PDE8A: variants seen among roughly 807,000 people sequenced by gnomAD.
PDE8A encodes phosphodiesterase 8A.
PDE8A carries 59 observed loss-of-function variants against 105.0 expected under a neutral mutation model. That is an observed-to-expected ratio of 0.56 (90% CI 0.46 to 0.70). The LOEUF is 0.70. Ranked by LOEUF, PDE8A falls within the 30% of genes least tolerant of loss-of-function variation. The pLI is 0.00. For missense variants in PDE8A, 1,014 were observed against 1,045.9 expected (o/e 0.97, Z 0.42); for synonymous variants, 355 against 371.9 (o/e 0.95, Z 0.52).
In PDE8A at chr15:85,099,955, C is replaced by T. The variant is rs1450906053; in HGVS notation, c.942-60C>T. 51 of 1,370,922 alleles carry T rather than the reference C, an allele frequency of 3.7e-5. 2 individuals are homozygous for T. In the South Asian group the frequency reaches 4.3e-4, roughly 12 times the overall value. The allele number at this position is 1,370,922 out of a possible 1,614,324, so 84.9% of individuals were successfully genotyped here. A position where few individuals can be genotyped will look rare whatever the true frequency, so the allele number is the denominator to read the frequency against. ...TGCCATTTTCGTAATGAAAAATTAA[C>T]GACATATCCATCAAATTAGAGACTC... On this transcript the variant is annotated intron_variant, in intron 9 of 21. Coordinates refer to ENST00000394553, the MANE Select transcript of PDE8A (RefSeq NM_002605.3).
intron 1 of PDE8A, among the ~76,000 whole-genome samples, chr15:85,017,253 G>A (rs2080340640): frequency 1.6e-5 from 2 of 127,142 alleles, no homozygotes; most frequent in East Asian, 4.3e-4. Context: ...GGGCGACAGA[G>A]CGAGACTCCA....
intron 18 of PDE8A, among the ~76,000 whole-genome samples, chr15:85,121,734 C>T (rs974303459): frequency 6.6e-6 from 1 of 151,980 alleles, no homozygotes; most frequent in African/African-American, 2.4e-5. Flanking sequence ...TAGAATATTA[C>T]CCCTTCGATA....
At chr15:84,986,047 A>G (rs2079796726) in intron 1 of PDE8A, among the ~76,000 whole-genome samples, 1 of 152,090 alleles carries the variant, frequency 6.6e-6, no homozygotes, top group Admixed American at 6.5e-5. Flanking sequence ...CAACATCTCA[A>G]GACTCTGTCT....
At chr15:85,057,328 C>A (rs2081077374) in intron 1 of PDE8A, among the ~76,000 whole-genome samples, 3 of 152,214 alleles carry the variant, frequency 2.0e-5, no homozygotes, top group African/African-American at 7.2e-5. Flanking sequence ...CCACTACTCT[C>A]TTCAAAGCTG....
At chr15:85,097,701 G>A in intron 8 of PDE8A, 1 of 417,682 alleles carries the variant, frequency 2.4e-6, no homozygotes, top group South Asian at 2.9e-5. Context: ...CCTCTTGTCT[G>A]CAGATGGCCA....
At position 84,982,218 on chromosome 15, in the gene PDE8A, C is replaced by G; in HGVS notation, c.56C>G (p.Pro19Arg). 1 of 1,483,624 alleles carries G rather than the reference C, an allele frequency of 6.7e-7. No homozygotes were observed. Among genetic ancestry groups the G allele is most frequent in the East Asian group, 2.9e-5 (1 of 34,158 alleles). The allele number at this position is 1,483,624 out of a possible 1,614,324, so 91.9% of individuals were successfully genotyped here. A position where few individuals can be genotyped will look rare whatever the true frequency, so the allele number is the denominator to read the frequency against. Residue 19 changes from proline (P) to arginine (R), a missense_variant, in exon 1 of 22, where the codon CCT (proline) becomes CGT (arginine). Transcript: ENST00000394553. ...ISERLVAEDAPSPAAPPLSSG... is the reference protein window; with the variant it reads ...ISERLVAEDARSPAAPPLSSG... ...GAGCGCCTGGTGGCCGAGGACGCGCCTAGCCCCGCGGCACCGCCGCTGTCG... is the reference window on the plus strand; with the variant it reads ...GAGCGCCTGGTGGCCGAGGACGCGCGTAGCCCCGCGGCACCGCCGCTGTCG...
chr15:85,137,267 A>T (rs1438819165), intron 21 of PDE8A, among the ~76,000 whole-genome samples: 1 of 152,214 alleles, frequency 6.6e-6, no homozygotes, highest in Non-Finnish European at 1.5e-5. Flanking sequence ...GAAGGACTGA[A>T]GCAGTGGAGC....
intron 3 of PDE8A, among the ~76,000 whole-genome samples, chr15:85,070,187 G>A (rs937791376): frequency 1.3e-5 from 2 of 152,088 alleles, no homozygotes; most frequent in African/African-American, 4.8e-5. Flanking sequence ...ATCGGTTGTT[G>A]ACCTGTCTAA....
At chr15:84,990,515 T>C (rs1459787163) in intron 1 of PDE8A, among the ~76,000 whole-genome samples, 1 of 152,244 alleles carries the variant, frequency 6.6e-6, no homozygotes, top group Non-Finnish European at 1.5e-5. Context: ...CTTATTTCAC[T>C]CAGCATAATG....
chr15:85,073,377 C>G (rs953583188), intron 3 of PDE8A, among the ~76,000 whole-genome samples: 2 of 152,212 alleles, frequency 1.3e-5, no homozygotes, highest in African/African-American at 4.8e-5. Context: ...GAAAAGGTCC[C>G]AGTATGTCTC....
At chr15:85,103,701 C>T (rs541418051) in intron 11 of PDE8A, among the ~76,000 whole-genome samples, 12 of 152,316 alleles carry the variant, frequency 7.9e-5, no homozygotes, top group Non-Finnish European at 1.3e-4. Context: ...TCCCCACTGC[C>T]GTAGGCATGC....
intron 1 of PDE8A, among the ~76,000 whole-genome samples, chr15:85,027,043 G>C (rs1265844432): frequency 6.6e-6 from 1 of 152,108 alleles, no homozygotes; most frequent in Admixed American, 6.5e-5. Context: ...ACTATTGTGT[G>C]GTTCTTTGTT....
chr15:85,072,622 T>G (rs2081327787), intron 3 of PDE8A, among the ~76,000 whole-genome samples: 1 of 152,196 alleles, frequency 6.6e-6, no homozygotes, highest in Admixed American at 6.5e-5. Context: ...AGAAACCTCA[T>G]GTACAGACAA....
At chr15:85,066,169 G>A (rs535649521) in intron 2 of PDE8A, among the ~76,000 whole-genome samples, 1 of 152,172 alleles carries the variant, frequency 6.6e-6, no homozygotes, top group South Asian at 2.1e-4. Flanking sequence ...CTTTCTTTCA[G>A]CTAAAATAAA....
intron 1 of PDE8A, among the ~76,000 whole-genome samples, chr15:85,048,969 G>A (rs971477706): frequency 6.6e-6 from 1 of 152,160 alleles, no homozygotes; most frequent in African/African-American, 2.4e-5. Context: ...AGGCGTGGTG[G>A]CTCATGCCTG....
At chr15:84,990,830 A>G (rs775332281) in intron 1 of PDE8A, among the ~76,000 whole-genome samples, 9 of 152,330 alleles carry the variant, frequency 5.9e-5, no homozygotes, top group African/African-American at 9.6e-5. Flanking sequence ...TAGTTATCCA[A>G]TATTACACTC....
At chr15:84,992,451 A>G (rs1415750451) in intron 1 of PDE8A, among the ~76,000 whole-genome samples, 1 of 152,166 alleles carries the variant, frequency 6.6e-6, no homozygotes, top group East Asian at 1.9e-4. Context: ...CAGGTTGAGG[A>G]GTTTGAAGTC....
At chr15:84,982,415 C>A in intron 1 of PDE8A, 67 bp downstream of exon 1, 1 of 1,110,286 alleles carries the variant, frequency 9.0e-7, no homozygotes, top group Non-Finnish European at 1.2e-6. Flanking sequence ...AACTTTCCCG[C>A]AGGGGCCGGG....
rs758210830 is a variant in PDE8A, at chr15:85,115,470, A to G, written c.1382A>G (p.Tyr461Cys). The stretch of plus-strand genomic sequence containing the variant: ...TTGCGAAGACTATCAGGGAATGAAT[A>G]TGTTCTTTCAACAAAAAGTAAGTTT... Reference protein sequence around the residue: ...DGLRRLSGNEYVLSTKNTQMV... With the variant: ...DGLRRLSGNECVLSTKNTQMV... Residue 461 changes from tyrosine (Y) to cysteine (C), a missense_variant, in exon 15 of 22, where the codon TAT becomes TGT. Transcript: ENST00000394553. 6.5e-7 allele frequency: 1 copy of G among 1,527,318 alleles called. No homozygotes were observed. The highest frequency in any genetic ancestry group is 8.8e-7 in the Non-Finnish European group (1 of 1,134,128). The allele number at this position is 1,527,318 out of a possible 1,614,324, so 94.6% of individuals were successfully genotyped here.
Sources: allele counts gnomAD v4.1 joint callset (sites outside exome capture counted in the v4.1 genomes callset), GRCh38; gene constraint gnomAD v4.1.1; transcripts MANE v1.5; gene names NCBI Gene and HGNC (gene_info 2026-07-23, HGNC 2026-07-21).